The following MTIF3 variants were observed in gnomAD, a reference collection of about 807,000 sequenced individuals.
The protein encoded by MTIF3 is translation initiation factor IF-3, mitochondrial.
A neutral mutation model predicts 20.7 loss-of-function variants in MTIF3; 13 were observed. The observed-to-expected ratio is 0.63, with a 90% CI of 0.41 to 1.00. MTIF3 has a LOEUF of 1.00. MTIF3 is among the 50% of genes least tolerant of loss of function. The pLI is 0.00. For synonymous variants in MTIF3, 114 were observed against 112.5 expected (o/e 1.01, Z -0.08); for missense variants, 295 against 324.5 (o/e 0.91, Z 0.70).
At chr13:27,439,953 T>C (rs547575230) in intron 3 of MTIF3, 36 bp downstream of exon 3, 1 of 1,581,076 alleles carries the variant, frequency 6.3e-7, no homozygotes, top group African/African-American at 1.3e-5. Flanking sequence ...TTTGTAGCTC[T>C]TAAAGGATTC....
chr13:27,440,520 G>A (rs1953971755), intron 2 of MTIF3, 71 bp from the exon 3 acceptor site: 11 of 1,246,474 alleles, frequency 8.8e-6, no homozygotes, highest in Non-Finnish European at 1.2e-5. Flanking sequence ...TGTGGTACAT[G>A]GCAGGGTGTG....
In MTIF3 at chr13:27,440,442, C is replaced by T; in HGVS notation, c.7G>A (p.Ala3Thr). Residue 3 changes from alanine to threonine, a missense_variant, in exon 3 of 5, where the codon GCT (alanine) becomes ACT (threonine). By Grantham distance (58) the Ala-to-Thr change is moderately conservative (BLOSUM62 0). Transcript: ENST00000381120. ...AGTGTTAACCTCTTTAGAAAAAGAGCAGCCATCCTAAGAAAGTAGTAAGAA... is the reference window on the plus strand; with the variant it reads ...AGTGTTAACCTCTTTAGAAAAAGAGTAGCCATCCTAAGAAAGTAGTAAGAA... MA[A>T]LFLKRLTLQT... 1 of 1,595,996 alleles carries T rather than the reference C, an allele frequency of 6.3e-7. No individual in the cohort carries two copies. Among genetic ancestry groups the T allele is most frequent in the Non-Finnish European group, 8.5e-7 (1 of 1,170,494 alleles).
chr13:27,438,320 C>CAAAAA (rs36016925), intron 3 of MTIF3, among the ~76,000 whole-genome samples: 26 of 54,694 alleles, frequency 4.8e-4, no homozygotes, highest in East Asian at 8.6e-4. Context: ...CCCATCTCTA[C>CAAAAA]AAAAAAAAAA....
intron 4 of MTIF3, 90 bp from the exon 5 acceptor site, chr13:27,435,983 C>T: frequency 1.0e-6 from 1 of 1,000,486 alleles, no homozygotes; most frequent in Non-Finnish European, 1.5e-6. Context: ...AAAACTGGCA[C>T]CCTTGAATTG....
chr13:27,448,944 G>C (rs1489972499), intron 1 of MTIF3, among the ~76,000 whole-genome samples: 1 of 152,204 alleles, frequency 6.6e-6, no homozygotes, highest in Non-Finnish European at 1.5e-5. Flanking sequence ...GGGAGGCTGA[G>C]GCAGGAGAAT....
chr13:27,443,008 C>G (rs182802889), intron 2 of MTIF3, among the ~76,000 whole-genome samples: 1 of 152,198 alleles, frequency 6.6e-6, no homozygotes, highest in Non-Finnish European at 1.5e-5. Context: ...ATGCACGGGC[C>G]GAAGGAAACA....
At position 27,444,130 on chromosome 13, in the gene MTIF3, T is replaced by C. The variant is rs550420102; in HGVS notation, c.-2+958A>G. Among the ~76,000 whole-genome samples, 156 of 152,120 alleles carry C rather than the reference T, an allele frequency of 1.0e-3. 1 individual carries two copies. The highest frequency in any genetic ancestry group is 8.9e-3 in the East Asian group (46 of 5,178). On this transcript the variant is annotated intron_variant, in intron 2 of 4. Transcript: ENST00000381120. ...CATCCTGGCTAACACAGTGAAACCC[T>C]GTCTCTACTAAAAAATAAAATAAAA...
chr13:27,448,610 T>C (rs973501131), intron 1 of MTIF3, among the ~76,000 whole-genome samples: 1 of 152,022 alleles, frequency 6.6e-6, no homozygotes, highest in African/African-American at 2.4e-5. Flanking sequence ...AGAACTCCCA[T>C]TTAGAACACT....
At chr13:27,437,020 G>A in intron 4 of MTIF3, 96 bp downstream of exon 4, 2 of 1,303,860 alleles carry the variant, frequency 1.5e-6, no homozygotes, top group Non-Finnish European at 1.1e-6. Flanking sequence ...CAAAATGCTG[G>A]GATTACAGGC....
chr13:27,442,602 C>T (rs1374056850), intron 2 of MTIF3, among the ~76,000 whole-genome samples: 1 of 152,206 alleles, frequency 6.6e-6, no homozygotes, highest in East Asian at 1.9e-4. Flanking sequence ...TCACTCTGTT[C>T]CAGCCTCCTT....
chr13:27,450,363 A>ACCGCAG (rs1954328183), intron 1 of MTIF3, 146 bp downstream of exon 1: 2 of 152,290 alleles, frequency 1.3e-5, no homozygotes, highest in African/African-American at 2.4e-5. Flanking sequence ...CCGCAGCAGG[A>ACCGCAG]CCTGCGGAGC....
chr13:27,435,830 G>A lies in MTIF3; in HGVS notation c.682C>T (p.Gln228Ter). ...PGIATFSSRP[Q>*]AVQGGKALMC... is the part of the protein sequence containing the mutation. ...AAAGCTTTTCCTCCTTGAACAGCTT[G>A]TGGCCTAGATGAGAATGTAGCTATT... Residue 228 changes from glutamine to a stop codon, truncating the protein, a stop_gained, in exon 5 of 5, where the codon CAA (glutamine) becomes TAA (stop). Transcript: ENST00000381120. LOFTEE classifies it low-confidence loss of function (END_TRUNC). The A allele has an allele frequency of 6.2e-7, 1 of 1,614,042 alleles. No individual in the cohort carries two copies. Among genetic ancestry groups the A allele is most frequent in the East Asian group, 2.2e-5 (1 of 44,890 alleles).
In MTIF3 at chr13:27,440,592, A is replaced by G. The variant is rs1953974406; in HGVS notation, c.-1-143T>C. Reference sequence around the variant, plus strand: ...GAAATGCTGTTCTCTAGACTTTCAGATCCACACACAGGAAGTCTACACTGA... The same window carrying G: ...GAAATGCTGTTCTCTAGACTTTCAGGTCCACACACAGGAAGTCTACACTGA... On this transcript the variant is annotated intron_variant, in intron 2 of 4. Transcript: ENST00000381120. 4 of 665,446 alleles carry G rather than the reference A, an allele frequency of 6.0e-6. No individual in the cohort carries two copies. The East Asian group carries it at 1.1e-4, about 18-fold the overall frequency. 41.2% of individuals were successfully genotyped at this position (665,446 alleles called of 1,614,324 possible).
At chr13:27,438,166 G>C (rs1187998173) in intron 3 of MTIF3, among the ~76,000 whole-genome samples, 1 of 152,110 alleles carries the variant, frequency 6.6e-6, no homozygotes, top group Non-Finnish European at 1.5e-5. Context: ...TAGGTTCATA[G>C]ACCCTAGAGT....
At chr13:27,438,320 CAAAA>C (rs36016925) in intron 3 of MTIF3, among the ~76,000 whole-genome samples, 10 of 54,832 alleles carry the variant, frequency 1.8e-4, no homozygotes, top group Admixed American at 1.2e-3. Context: ...CCCATCTCTA[CAAAA>C]AAAAAAAAAA....
intron 2 of MTIF3, among the ~76,000 whole-genome samples, chr13:27,443,443 T>C (rs1273289985): frequency 6.6e-6 from 1 of 152,186 alleles, no homozygotes; most frequent in Non-Finnish European, 1.5e-5. Flanking sequence ...GACTCTTAAG[T>C]TCCTGCTCAC....
intron 3 of MTIF3, among the ~76,000 whole-genome samples, chr13:27,437,520 T>C (rs548763966): frequency 5.3e-5 from 8 of 152,340 alleles, no homozygotes; most frequent in African/African-American, 1.9e-4. Flanking sequence ...CATCGTTTGT[T>C]GAAAGAACAC....
rs572994099 is a variant in MTIF3 at position 27,436,951 on chromosome 13, C to G, written c.618+165G>C. Among the ~76,000 whole-genome samples, 15 of 152,000 alleles carry G rather than the reference C, an allele frequency of 9.9e-5. No individual in the cohort carries two copies. In the East Asian group the frequency reaches 2.9e-3, roughly 29 times the overall value. On this transcript the variant is annotated intron_variant, in intron 4 of 4. Coordinates refer to ENST00000381120, the MANE Select transcript of MTIF3 (RefSeq NM_152912.5). ...TATTTTTAGTAGAGACGGGGTTTCA[C>G]CATGTTAGCCAGGTTGGTCTCAATC...
intron 1 of MTIF3, among the ~76,000 whole-genome samples, chr13:27,446,641 T>C (rs1290720659): frequency 6.6e-6 from 1 of 152,252 alleles, no homozygotes; most frequent in Non-Finnish European, 1.5e-5. Context: ...TGTAATTTAA[T>C]ACATTGACAT....
Sources: gnomAD v4.1 joint callset for allele counts (sites outside exome capture counted in the v4.1 genomes callset) on GRCh38, gnomAD v4.1.1 for gene constraint, MANE v1.5 for transcripts, NCBI Gene and HGNC (gene_info 2026-07-23, HGNC 2026-07-21) for gene names.